The following NUDCD3 variants were observed in gnomAD, a reference collection of about 807,000 sequenced individuals.
The protein encoded by NUDCD3 is nudC domain-containing protein 3.
In NUDCD3, 13 loss-of-function variants were observed where a neutral mutation model predicts 39.7. The ratio of observed to expected loss-of-function variants is 0.33; its 90% CI spans 0.21 to 0.52. The LOEUF (loss-of-function observed/expected upper bound fraction) is 0.52, where lower values mean the gene tolerates loss of function less well. NUDCD3 is among the 20% of genes least tolerant of loss of function. The probability of loss-of-function intolerance (pLI) is 0.96; values close to 1 mark genes in which losing one functional copy is unlikely to be tolerated. For missense variants in NUDCD3, 453 were observed against 458.1 expected, an observed-to-expected ratio of 0.99 and a Z score of 0.10; for synonymous variants, 175 against 172.4, an observed-to-expected ratio of 1.02 and a Z score of -0.12.
chr7:44,409,468 CTA>C (rs1234127589), intron 3 of NUDCD3, among the ~76,000 whole-genome samples: 1 of 152,034 alleles, frequency 6.6e-6, no homozygotes, highest in Non-Finnish European at 1.5e-5. Context: ...ACAAGAACAA[CTA>C]TATCACGTAC....
At chr7:44,391,131 C>A (rs1798506662) in intron 5 of NUDCD3, among the ~76,000 whole-genome samples, 1 of 152,140 alleles carries the variant, frequency 6.6e-6, no homozygotes, top group African/African-American at 2.4e-5. Context: ...GAAATTCAAT[C>A]TCTCTATTGT....
Position 44,462,945 on chromosome 7 carries a change from C to CTGTGTG in NUDCD3, c.509+22017_509+22022dup, listed in dbSNP as rs3138779. Among the ~76,000 whole-genome samples the CTGTGTG allele has an allele frequency of 3.1e-3, 450 of 146,786 alleles. 2 individuals carry two copies. Among genetic ancestry groups the CTGTGTG allele is most frequent in the South Asian group, 0.012 (56 of 4,484 alleles). The stretch of plus-strand genomic sequence containing the variant: ...GGTTACCAATCAAGACACAACCAGG[C>CTGTGTG]TGTGTGTGTGTGTGTGTGTGTGTGT... On this transcript the variant is annotated intron_variant, in intron 2 of 5. Coordinates refer to ENST00000355451, the MANE Select transcript of NUDCD3 (RefSeq NM_015332.4).
chr7:44,404,799 CTT>C (rs1308340409), intron 3 of NUDCD3, among the ~76,000 whole-genome samples: 2 of 152,146 alleles, frequency 1.3e-5, no homozygotes, highest in Non-Finnish European at 2.9e-5. Context: ...ACCAGAAAAT[CTT>C]TCTCAGCATA....
chr7:44,456,435 T>C (rs971843992), intron 2 of NUDCD3, among the ~76,000 whole-genome samples: 32 of 152,318 alleles, frequency 2.1e-4, no homozygotes, highest in African/African-American at 7.2e-4. Context: ...TGTTCTACTC[T>C]TTCCCCACTT....
rs190614475 is a variant in NUDCD3, at chr7:44,405,487, T to C, written c.643-904A>G. On this transcript the variant is annotated intron_variant, in intron 3 of 5. Transcript: ENST00000355451. ...TTAGAAGAGGAAATAAAACAGAACTTCCATTTACATTTTGTATCTGTATAA... is the reference window on the plus strand; with the variant it reads ...TTAGAAGAGGAAATAAAACAGAACTCCCATTTACATTTTGTATCTGTATAA... Among the ~76,000 whole-genome samples the C allele has an allele frequency of 2.5e-3, 384 of 152,322 alleles. 3 individuals carry two copies. The highest frequency in any genetic ancestry group is 0.01 in the South Asian group (49 of 4,826).
chr7:44,397,120 C>T (rs1388967744), intron 4 of NUDCD3, among the ~76,000 whole-genome samples: 1 of 152,198 alleles, frequency 6.6e-6, no homozygotes. Context: ...CAGCCCGATG[C>T]TCGTTTTGCC....
In NUDCD3 at chr7:44,380,478, G is replaced by A. The variant is rs934194020; in HGVS notation, c.*5533C>T. On this transcript the variant is annotated 3_prime_UTR_variant, in exon 6 of 6. Coordinates refer to ENST00000355451, the MANE Select transcript of NUDCD3 (RefSeq NM_015332.4). ...GGTGCTGGAATCTTCCCCACCTTAA[G>A]GCTTAGCTCCAGTCTGTAGCCCATT... The A allele has an allele frequency of 6.6e-6, 1 of 152,214 alleles. No individual in the cohort carries two copies. The highest frequency in any genetic ancestry group is 1.5e-5 in the Non-Finnish European group (1 of 68,062). 9.4% of individuals were successfully genotyped at this position (152,214 alleles called of 1,614,324 possible).
chr7:44,471,734 A>G (rs938466436), intron 2 of NUDCD3: 4 of 152,284 alleles, frequency 2.6e-5, no homozygotes, highest in Non-Finnish European at 5.9e-5. Context: ...GACCTTAGAT[A>G]TACCTCTTAG....
At chr7:44,410,822 C>G (rs1326736782) in intron 3 of NUDCD3, among the ~76,000 whole-genome samples, 2 of 151,944 alleles carry the variant, frequency 1.3e-5, no homozygotes, top group East Asian at 1.9e-4. Flanking sequence ...CACAAGTTAG[C>G]TAGGTATGGT....
intron 3 of NUDCD3, 149 bp from the exon 4 acceptor site, chr7:44,404,732 T>C (rs989299710): frequency 1.2e-5 from 9 of 730,402 alleles, no homozygotes; most frequent in African/African-American, 1.2e-4. Flanking sequence ...AAGAAAACCA[T>C]ACCAGCCTAA....
At chr7:44,475,413 TA>T (rs1479714005) in intron 2 of NUDCD3, among the ~76,000 whole-genome samples, 2 of 152,116 alleles carry the variant, frequency 1.3e-5, no homozygotes, top group African/African-American at 2.4e-5. Flanking sequence ...TAAAGTGTAA[TA>T]AAATTTTATA....
intron 2 of NUDCD3, 146 bp from the exon 3 acceptor site, chr7:44,427,849 C>T: frequency 1.3e-6 from 1 of 762,324 alleles, no homozygotes; most frequent in South Asian, 1.8e-5. Context: ...CATCTGCAAA[C>T]TCCTCTTCTT....
intron 2 of NUDCD3, among the ~76,000 whole-genome samples, chr7:44,442,583 A>G (rs146097921): frequency 3.3e-4 from 50 of 152,160 alleles, no homozygotes; most frequent in African/African-American, 1.1e-3. Flanking sequence ...ACCTCGCCTC[A>G]TTCATCTTCT....
At chr7:44,469,970 T>C (rs148563524) in intron 2 of NUDCD3, among the ~76,000 whole-genome samples, 228 of 152,134 alleles carry the variant, frequency 1.5e-3, no homozygotes, top group Non-Finnish European at 2.7e-3. Context: ...CAATAACAAA[T>C]TGAACCCTGA....
At chr7:44,404,091 G>C (rs1487607726) in intron 4 of NUDCD3, among the ~76,000 whole-genome samples, 3 of 152,202 alleles carry the variant, frequency 2.0e-5, no homozygotes, top group African/African-American at 7.2e-5. Flanking sequence ...GCTAAGGACA[G>C]CCAGTTGGTC....
At chr7:44,388,763 G>A (rs536202513) in intron 5 of NUDCD3, among the ~76,000 whole-genome samples, 304 of 152,308 alleles carry the variant, frequency 2.0e-3, no homozygotes, top group African/African-American at 6.9e-3. Flanking sequence ...CTACCCCCGC[G>A]CCACCAGCCC....
chr7:44,451,727 T>C (rs1359162774), intron 2 of NUDCD3, among the ~76,000 whole-genome samples: 2 of 152,184 alleles, frequency 1.3e-5, no homozygotes, highest in East Asian at 1.9e-4. Flanking sequence ...GGGGTGTACA[T>C]ACATCAAAAC....
At chr7:44,397,247 T>C (rs1167457741) in intron 4 of NUDCD3, among the ~76,000 whole-genome samples, 1 of 152,260 alleles carries the variant, frequency 6.6e-6, no homozygotes, top group African/African-American at 2.4e-5. Flanking sequence ...CTGTGCTTCA[T>C]GGCACAGGCA....
chr7:44,437,599 G>A, intron 2 of NUDCD3, among the ~76,000 whole-genome samples: 1 of 152,090 alleles, frequency 6.6e-6, no homozygotes, highest in Non-Finnish European at 1.5e-5. Context: ...ACAGGGGTTG[G>A]GGCAGCCCCA....
Sources: gnomAD v4.1 joint callset for allele counts (sites outside exome capture counted in the v4.1 genomes callset) on GRCh38, gnomAD v4.1.1 for gene constraint, MANE v1.5 for transcripts, NCBI Gene and HGNC (gene_info 2026-07-23, HGNC 2026-07-21) for gene names.